The following SETD7 variants were observed in gnomAD, a reference collection of about 807,000 sequenced individuals.
SETD7 encodes the protein SET domain containing 7, histone lysine methyltransferase, also known as histone-lysine N-methyltransferase SETD7.
In SETD7, 16 loss-of-function variants were observed where a neutral mutation model predicts 41.8. The observed-to-expected ratio is 0.38, with a 90% CI of 0.26 to 0.58. SETD7 has a LOEUF of 0.58. Ranked by LOEUF, SETD7 falls within the 20% of genes least tolerant of loss-of-function variation. The pLI is 0.64. For missense variants in SETD7, 346 were observed against 459.7 expected (o/e 0.75, Z 2.26); for synonymous variants, 163 against 169.7 (o/e 0.96, Z 0.31).
chr4:139,516,184 G>C (rs1286939284), intron 7 of SETD7, among the ~76,000 whole-genome samples: 3 of 152,102 alleles, frequency 2.0e-5, no homozygotes, highest in Non-Finnish European at 2.9e-5. Flanking sequence ...GAACTTTCTA[G>C]GCCGGGGGCG....
chr4:139,529,575 T>C (rs1478902926), intron 3 of SETD7, among the ~76,000 whole-genome samples: 1 of 152,206 alleles, frequency 6.6e-6, no homozygotes, highest in Non-Finnish European at 1.5e-5. Flanking sequence ...ATTACCAATA[T>C]TTAAAGGAAA....
intron 2 of SETD7, among the ~76,000 whole-genome samples, chr4:139,534,289 A>G (rs1041513370): frequency 6.6e-6 from 1 of 152,210 alleles, no homozygotes; most frequent in African/African-American, 2.4e-5. Context: ...GGAAAGACCA[A>G]CTCAAATTAT....
intron 2 of SETD7, chr4:139,546,317 G>A (rs116095012): frequency 0.012 from 2,284 of 197,830 alleles, 53 homozygotes; most frequent in African/African-American, 0.051. Flanking sequence ...TACTGGGACT[G>A]CAATGATGTG....
At chr4:139,505,014 G>C (rs1166464797), downstream of SETD7, among the ~76,000 whole-genome samples, 2 of 152,144 alleles carry the variant, frequency 1.3e-5, no homozygotes, top group African/African-American at 4.8e-5. Context: ...TGTCTGTGCA[G>C]GTGGAAAAGC....
intron 7 of SETD7, among the ~76,000 whole-genome samples, chr4:139,516,419 T>C (rs1246132905): frequency 7.5e-6 from 1 of 134,034 alleles, no homozygotes; most frequent in Non-Finnish European, 1.5e-5. Context: ...TGAGCCGAGA[T>C]CTCACCATTG....
chr4:139,532,229 C>CAAG (rs1727500674), intron 3 of SETD7, among the ~76,000 whole-genome samples: 1 of 152,106 alleles, frequency 6.6e-6, no homozygotes, highest in African/African-American at 2.4e-5. Context: ...ATTGCTTGAG[C>CAAG]CCAGGAGTTC....
intron 5 of SETD7, among the ~76,000 whole-genome samples, chr4:139,522,408 C>T (rs1390290522): frequency 1.3e-5 from 2 of 152,198 alleles, no homozygotes; most frequent in East Asian, 1.9e-4. Context: ...AGAGTTTAGC[C>T]ATCCTCATAA....
At chr4:139,543,880 T>C (rs1163126898) in intron 2 of SETD7, among the ~76,000 whole-genome samples, 1 of 150,490 alleles carries the variant, frequency 6.6e-6, no homozygotes, top group Non-Finnish European at 1.5e-5. Context: ...AGGAGAATGG[T>C]GTGAACCCAG....
intron 2 of SETD7, among the ~76,000 whole-genome samples, chr4:139,544,494 G>A (rs1727880825): frequency 6.6e-6 from 1 of 152,052 alleles, no homozygotes; most frequent in Non-Finnish European, 1.5e-5. Flanking sequence ...GACACACTGG[G>A]GTAAGCGGAT....
intron 1 of SETD7, among the ~76,000 whole-genome samples, chr4:139,551,647 G>T (rs1728113594): frequency 6.6e-6 from 1 of 151,888 alleles, no homozygotes. Context: ...TCTGAGAGTG[G>T]CGTGTGAGTA....
chr4:139,530,590 TG>T (rs1290699046), intron 3 of SETD7, among the ~76,000 whole-genome samples: 1 of 152,222 alleles, frequency 6.6e-6, no homozygotes, highest in Non-Finnish European at 1.5e-5. Context: ...GATTATTGAA[TG>T]GAAGGGTATA....
intron 7 of SETD7, among the ~76,000 whole-genome samples, chr4:139,496,993 C>T (rs1454691374): frequency 6.6e-6 from 1 of 152,162 alleles, no homozygotes; most frequent in Non-Finnish European, 1.5e-5. Flanking sequence ...TACTAATGAT[C>T]TTATAACTCG....
chr4:139,526,585 A>G (rs989209283), intron 4 of SETD7, among the ~76,000 whole-genome samples: 1 of 152,034 alleles, frequency 6.6e-6, no homozygotes, highest in Non-Finnish European at 1.5e-5. Context: ...GCCCTGGCCT[A>G]CTGTTTCTTA....
intron 3 of SETD7, chr4:139,532,683 A>G (rs1727520724): frequency 6.0e-6 from 1 of 167,326 alleles, no homozygotes; most frequent in Admixed American, 5.8e-5. Context: ...AACAATATAA[A>G]CCATAAAATA....
At chr4:139,532,767 C>A in intron 3 of SETD7, 3 of 244,396 alleles carry the variant, frequency 1.2e-5, no homozygotes, top group South Asian at 6.2e-5. Flanking sequence ...TTAAAAATTG[C>A]TGGACTGGTT....
At chr4:139,541,510 C>T (rs79577276) in intron 2 of SETD7, among the ~76,000 whole-genome samples, 2,418 of 152,282 alleles carry the variant, frequency 0.016, 30 homozygotes, top group Non-Finnish European at 0.024. Context: ...CCTGTCACCA[C>T]GCTGCATCAA....
Position 139,535,582 on chromosome 4 carries a change from T to C in SETD7, c.171-2216A>G, listed in dbSNP as rs1333699264. 5.9e-5 allele frequency among the ~76,000 whole-genome samples: 9 copies of C among 152,276 alleles called. No homozygotes were observed. In the East Asian group the frequency reaches 1.5e-3, roughly 26 times the overall value. On this transcript the variant is annotated intron_variant, in intron 2 of 7. Transcript: ENST00000274031. ...AAAATAATATGGACTTGCAGACATT[T>C]CCCCCAACTGTATTCAGTGGCTTGT...
At chr4:139,537,518 C>T (rs10025309) in intron 2 of SETD7, among the ~76,000 whole-genome samples, 22,045 of 152,196 alleles carry the variant, frequency 0.14, 2,104 homozygotes, top group African/African-American at 0.26. Flanking sequence ...GCAGCCCTGC[C>T]ATGCACATTA....
Position 139,511,741 on chromosome 4 carries a change from G to C in SETD7, c.1023C>G (p.Pro341=). Residue 341 remains proline, a synonymous_variant, in exon 8 of 8, where the codon CCC becomes CCG. Coordinates refer to ENST00000274031, the MANE Select transcript of SETD7 (RefSeq NM_030648.4). ...LTVAYGYDHS[P]PGKSGPEAPE... ...GGGCTTCAGGCCCACTCTTCCCGGG[G>C]GGGCTGTGGTCATAGCCATAGGCAA... 1 of 1,614,158 alleles carries C rather than the reference G, an allele frequency of 6.2e-7. No homozygotes were observed. The highest frequency in any genetic ancestry group is 1.7e-5 in the Admixed American group (1 of 60,016).
Sources: allele counts gnomAD v4.1 joint callset (sites outside exome capture counted in the v4.1 genomes callset), GRCh38; gene constraint gnomAD v4.1.1; transcripts MANE v1.5; gene names NCBI Gene and HGNC (gene_info 2026-07-23, HGNC 2026-07-21).